The following ACBD3 variants were observed in gnomAD, a reference collection of about 807,000 sequenced individuals.
The protein encoded by ACBD3 is Golgi resident protein GCP60.
ACBD3 carries 30 observed loss-of-function variants against 66.9 expected under a neutral mutation model. The ratio of observed to expected loss-of-function variants is 0.45; its 90% CI spans 0.34 to 0.61. The LOEUF (loss-of-function observed/expected upper bound fraction) is 0.61. Among genes scored for constraint, ACBD3 ranks in the 20% least tolerant of loss-of-function variants. The pLI, the probability that ACBD3 is intolerant of heterozygous loss-of-function variation, is 0.02. For missense variants in ACBD3, 544 were observed against 664.5 expected (o/e 0.82, Z 1.99); for synonymous variants, 278 against 259.8 (o/e 1.07, Z -0.68).
At chr1:226,150,652 C>G (rs746893544) in intron 7 of ACBD3, among the ~76,000 whole-genome samples, 3 of 152,214 alleles carry the variant, frequency 2.0e-5, no homozygotes, top group Non-Finnish European at 4.4e-5. Context: ...GTTGGGATTA[C>G]AGGCGTGAGC....
chr1:226,154,562 A>G (rs2102776588), intron 6 of ACBD3, 85 bp downstream of exon 6: 1 of 1,441,358 alleles, frequency 6.9e-7, no homozygotes, highest in East Asian at 2.3e-5. Flanking sequence ...TGTTCTCAAA[A>G]GCTAATTATA....
intron 3 of ACBD3, among the ~76,000 whole-genome samples, chr1:226,162,686 C>T (rs972356298): frequency 4.6e-5 from 7 of 152,030 alleles, no homozygotes; most frequent in African/African-American, 1.7e-4. Flanking sequence ...TTTCATAAAC[C>T]TACCACGAGA....
At chr1:226,163,892 G>A (rs533010447) in intron 3 of ACBD3, among the ~76,000 whole-genome samples, 172 of 152,086 alleles carry the variant, frequency 1.1e-3, no homozygotes, top group Middle Eastern at 3.4e-3. Flanking sequence ...AGGACCAGGC[G>A]GGTGGATCAC....
At chr1:226,161,375 G>A (rs1000848735) in intron 4 of ACBD3, among the ~76,000 whole-genome samples, 156 bp downstream of exon 4, 1 of 151,998 alleles carries the variant, frequency 6.6e-6, no homozygotes, top group African/African-American at 2.4e-5. Flanking sequence ...CCCAACCTCA[G>A]GTGATCTCCC....
intron 1 of ACBD3, among the ~76,000 whole-genome samples, chr1:226,167,209 T>C (rs185607057): frequency 7.0e-4 from 106 of 152,360 alleles, no homozygotes; most frequent in African/African-American, 2.5e-3. Context: ...TAGAAGATTA[T>C]GTACACTTTG....
intron 1 of ACBD3, among the ~76,000 whole-genome samples, chr1:226,176,548 T>G (rs1656038494): frequency 6.6e-6 from 1 of 151,636 alleles, no homozygotes; most frequent in Admixed American, 6.6e-5. Context: ...ACAGTGTGTG[T>G]GTGGTTTTTG....
intron 1 of ACBD3, among the ~76,000 whole-genome samples, chr1:226,177,361 C>CT (rs376001082): frequency 0.42 from 57,829 of 138,058 alleles, 12,071 homozygotes; most frequent in Admixed American, 0.51. Flanking sequence ...CCACTCTTGG[C>CT]TTTTTTTTTT....
Position 226,152,614 on chromosome 1 carries a change from G to A in ACBD3, c.1096C>T (p.Leu366Phe). The A allele has an allele frequency of 6.2e-7, 1 of 1,613,608 alleles. No homozygotes were observed. The highest frequency in any genetic ancestry group is 8.5e-7 in the Non-Finnish European group (1 of 1,179,700). ...EALENGPKESLPVIAAPSMWT... is the reference protein window; with the variant it reads ...EALENGPKESFPVIAAPSMWT... Reference sequence around the variant, plus strand: ...ATGGATGGAGCTGCTATTACTGGAAGAGATTCTAAAGGCAATAGGTATTAA... The same window carrying A: ...ATGGATGGAGCTGCTATTACTGGAAAAGATTCTAAAGGCAATAGGTATTAA... Residue 366 changes from leucine (L) to phenylalanine (F), a missense_variant, in exon 7 of 8, where the codon CTT (leucine) becomes TTT (phenylalanine). By Grantham distance (22) the Leu-to-Phe change is conservative. Around this residue, in one of 3 missense-constraint regions of ACBD3, gnomAD observed 383 missense variants for 462.4 expected, o/e 0.83. Coordinates refer to ENST00000366812, the MANE Select transcript of ACBD3 (RefSeq NM_022735.4).
Position 226,186,697 on chromosome 1 carries a change from A to C in ACBD3, c.-22T>G. On this transcript the variant is annotated 5_prime_UTR_variant, in exon 1 of 8. Coordinates refer to ENST00000366812, the MANE Select transcript of ACBD3 (RefSeq NM_022735.4). Reference sequence around the variant, plus strand: ...CCATCTCCGGCTGCTGCACCTCCTCAGCGGGGACAGACGGCAGCCACGTAT... The same window carrying C: ...CCATCTCCGGCTGCTGCACCTCCTCCGCGGGGACAGACGGCAGCCACGTAT... 1 of 1,466,638 alleles carries C rather than the reference A, an allele frequency of 6.8e-7. No homozygotes were observed. The highest frequency in any genetic ancestry group is 9.0e-7 in the Non-Finnish European group (1 of 1,114,508). 90.9% of individuals were successfully genotyped at this position (1,466,638 alleles called of 1,614,324 possible).
chr1:226,169,823 ATCAG>A (rs1400232189), intron 1 of ACBD3, among the ~76,000 whole-genome samples: 2 of 151,690 alleles, frequency 1.3e-5, no homozygotes, highest in African/African-American at 4.8e-5. Flanking sequence ...AGAGTTCGAG[ATCAG>A]TCTGGCCAAC....
intron 3 of ACBD3, among the ~76,000 whole-genome samples, chr1:226,164,415 G>A (rs1659831303): frequency 6.6e-6 from 1 of 152,148 alleles, no homozygotes; most frequent in African/African-American, 2.4e-5. Flanking sequence ...ATGAAATGGA[G>A]CATGAGGATT....
chr1:226,167,064 G>C (rs1011245053), intron 1 of ACBD3, among the ~76,000 whole-genome samples: 23 of 152,060 alleles, frequency 1.5e-4, no homozygotes, highest in Non-Finnish European at 2.9e-4. Flanking sequence ...CAAAGTGCTG[G>C]GATTACAGGT....
intron 1 of ACBD3, among the ~76,000 whole-genome samples, chr1:226,171,116 T>C (rs1054945411): frequency 2.1e-4 from 31 of 150,990 alleles, no homozygotes; most frequent in Non-Finnish European, 5.9e-5. Flanking sequence ...TAATGTGAAC[T>C]AGGCGCAGGG....
At chr1:226,173,044 T>C (rs1227072281) in intron 1 of ACBD3, among the ~76,000 whole-genome samples, 1 of 152,116 alleles carries the variant, frequency 6.6e-6, no homozygotes. Context: ...GGCAGGTGGA[T>C]TGCTTGAGCC....
chr1:226,164,274 A>C (rs1157503080), intron 3 of ACBD3, among the ~76,000 whole-genome samples: 1 of 152,152 alleles, frequency 6.6e-6, no homozygotes, highest in African/African-American at 2.4e-5. Flanking sequence ...ATTCACAACT[A>C]CAACAGAGAA....
chr1:226,145,347 C>CTAAG lies in ACBD3; in HGVS notation c.*1259_*1262dup. On this transcript the variant is annotated 3_prime_UTR_variant, in exon 8 of 8. Transcript: ENST00000366812. ...ATTTAGGATTTGAAATTTTAAAAAT[C>CTAAG]TAAGTACTTCAGTAACAACATACAA... 6.6e-6 allele frequency: 1 copy of CTAAG among 152,552 alleles called. No homozygotes were observed. Among genetic ancestry groups the CTAAG allele is most frequent in the East Asian group, 1.9e-4 (1 of 5,192 alleles). The allele number at this position is 152,552 out of a possible 1,614,324, so 9.4% of individuals were successfully genotyped here.
In ACBD3 at chr1:226,174,419, C is replaced by T. The variant is rs548396124; in HGVS notation, c.287-8419G>A. Among the ~76,000 whole-genome samples the T allele has an allele frequency of 7.2e-5, 11 of 152,198 alleles. No individual in the cohort carries two copies. In the South Asian group the frequency reaches 2.3e-3, roughly 32 times the overall value. ...TGATAGATTGAACACAGACAATTAC[C>T]TCTGATCCTTAATGAAACCACACTA... On this transcript the variant is annotated intron_variant, in intron 1 of 7. Coordinates refer to ENST00000366812, the MANE Select transcript of ACBD3 (RefSeq NM_022735.4).
At chr1:226,166,219 G>T (rs975068281) in intron 1 of ACBD3, among the ~76,000 whole-genome samples, 2 of 149,716 alleles carry the variant, frequency 1.3e-5, no homozygotes, top group African/African-American at 4.9e-5. Context: ...GCAATGGTGT[G>T]ATGAAGGCTC....
At chr1:226,178,360 G>C (rs1474901082) in intron 1 of ACBD3, among the ~76,000 whole-genome samples, 1 of 151,792 alleles carries the variant, frequency 6.6e-6, no homozygotes, top group Non-Finnish European at 1.5e-5. Flanking sequence ...CATCAGGTCA[G>C]GAGTTCGAGA....
Sources: allele counts gnomAD v4.1 joint callset (sites outside exome capture counted in the v4.1 genomes callset), GRCh38; gene constraint gnomAD v4.1.1; regional missense constraint gnomAD v4.1.1; transcripts MANE v1.5; gene names NCBI Gene and HGNC (gene_info 2026-07-23, HGNC 2026-07-21).